The following IQGAP2 variants were observed in gnomAD, a reference collection of about 807,000 sequenced individuals.
IQGAP2 encodes IQ motif containing GTPase activating protein 2, also known as ras GTPase-activating-like protein IQGAP2.
Under a neutral mutation model 201.3 loss-of-function variants are expected in IQGAP2, and 173 were observed. The observed-to-expected ratio is 0.86, with a 90% CI of 0.76 to 0.98. The LOEUF is 0.98. Among genes scored for constraint, IQGAP2 ranks in the 50% least tolerant of loss-of-function variants. IQGAP2 has a pLI of 0.00. For missense variants in IQGAP2, 1,687 were observed against 1,864.8 expected, an observed-to-expected ratio of 0.90 and a Z score of 1.76; for synonymous variants, 675 against 673.9, an observed-to-expected ratio of 1.00 and a Z score of -0.03.
chr5:76,438,458 T>C (rs1044280518), intron 1 of IQGAP2, among the ~76,000 whole-genome samples: 6 of 152,136 alleles, frequency 3.9e-5, no homozygotes, highest in African/African-American at 1.4e-4. Flanking sequence ...TTTTTCTTTT[T>C]TTGAGATGGA....
chr5:76,510,866 T>C (rs1261265893), intron 2 of IQGAP2: 1 of 385,374 alleles, frequency 2.6e-6, no homozygotes, highest in African/African-American at 2.1e-5. Context: ...AGGGATGCAT[T>C]CTCTTTGCAC....
At chr5:76,498,842 C>T (rs1757125566) in intron 2 of IQGAP2, among the ~76,000 whole-genome samples, 1 of 152,214 alleles carries the variant, frequency 6.6e-6, no homozygotes, top group Non-Finnish European at 1.5e-5. Flanking sequence ...AATGTTGATA[C>T]ATCTCTGAGG....
intron 1 of IQGAP2, among the ~76,000 whole-genome samples, chr5:76,435,457 T>C (rs56057159): frequency 0.095 from 14,465 of 152,170 alleles, 1,769 homozygotes; most frequent in African/African-American, 0.29. Context: ...AGGGTATCCT[T>C]TTCCAGTTTA....
At chr5:76,630,107 A>G (rs1750577437) in intron 14 of IQGAP2, among the ~76,000 whole-genome samples, 1 of 152,210 alleles carries the variant, frequency 6.6e-6, no homozygotes. Context: ...GACTTAGAGC[A>G]CATCAGAAGC....
intron 2 of IQGAP2, among the ~76,000 whole-genome samples, chr5:76,490,537 G>A (rs1437192827): frequency 2.0e-5 from 3 of 152,206 alleles, no homozygotes; most frequent in Admixed American, 6.5e-5. Context: ...CTTAGGAGCA[G>A]TGCAGTGGAT....
At chr5:76,654,614 G>A (rs1021747696) in intron 19 of IQGAP2, among the ~76,000 whole-genome samples, 2 of 152,166 alleles carry the variant, frequency 1.3e-5, no homozygotes, top group Non-Finnish European at 2.9e-5. Context: ...CCCCTGGGAG[G>A]GATTTCTTCC....
At chr5:76,677,736 C>T (rs977632677) in intron 28 of IQGAP2, among the ~76,000 whole-genome samples, 8 of 152,022 alleles carry the variant, frequency 5.3e-5, no homozygotes, top group East Asian at 3.9e-4. Flanking sequence ...GAGACTAGCC[C>T]GGGCAACATA....
chr5:76,515,976 C>T (rs1185919534), intron 2 of IQGAP2, among the ~76,000 whole-genome samples: 2 of 149,876 alleles, frequency 1.3e-5, no homozygotes, highest in African/African-American at 4.9e-5. Context: ...CTCCCAGGCT[C>T]AAGCAATTGT....
At chr5:76,609,272 G>T in intron 12 of IQGAP2, 2 of 1,529,334 alleles carry the variant, frequency 1.3e-6, no homozygotes, top group Non-Finnish European at 1.8e-6. Context: ...CCAGAGAATG[G>T]CACTAAATAT....
At chr5:76,565,341 C>G (rs1744672419) in intron 3 of IQGAP2, among the ~76,000 whole-genome samples, 1 of 152,202 alleles carries the variant, frequency 6.6e-6, no homozygotes, top group African/African-American at 2.4e-5. Context: ...ATATGTCAGC[C>G]TTGGCACTGG....
chr5:76,581,423 G>A (rs1745843315), intron 5 of IQGAP2, among the ~76,000 whole-genome samples: 2 of 152,210 alleles, frequency 1.3e-5, no homozygotes. Context: ...ATCTGGAGAT[G>A]GCAGTATTTG....
At chr5:76,620,809 G>A in intron 13 of IQGAP2, among the ~76,000 whole-genome samples, 1 of 152,188 alleles carries the variant, frequency 6.6e-6, no homozygotes, top group Non-Finnish European at 1.5e-5. Context: ...GACCTAAGAA[G>A]TTGGAAATGA....
chr5:76,454,933 T>C (rs1219823023), intron 1 of IQGAP2, among the ~76,000 whole-genome samples: 1 of 152,210 alleles, frequency 6.6e-6, no homozygotes, highest in Non-Finnish European at 1.5e-5. Context: ...TTCCTATTTC[T>C]CCACATCCTC....
chr5:76,562,665 G>GA, intron 3 of IQGAP2, 113 bp downstream of exon 3: 2 of 922,824 alleles, frequency 2.2e-6, no homozygotes, highest in Admixed American at 4.5e-5. Flanking sequence ...GGGGCTGGGG[G>GA]ATGTCTTTGG....
rs1389120731 is a variant in IQGAP2 at position 76,597,687 on chromosome 5, A to G, written c.1071+85A>G. 2.1e-6 allele frequency: 3 copies of G among 1,409,240 alleles called. No individual in the cohort carries two copies. In the East Asian group the frequency reaches 6.9e-5, roughly 32 times the overall value. 87.3% of individuals were successfully genotyped at this position (1,409,240 alleles called of 1,614,324 possible). ...GGAAGCCTAGTTAGGAAAGGGGAAT[A>G]GGGATCGGGGATCTCTAATTTGTAC... On this transcript the variant is annotated intron_variant, in intron 10 of 35. Coordinates refer to ENST00000274364, the MANE Select transcript of IQGAP2 (RefSeq NM_006633.5).
At chr5:76,658,391 T>C in intron 20 of IQGAP2, 68 bp from the exon 21 acceptor site, 1 of 1,283,460 alleles carries the variant, frequency 7.8e-7, no homozygotes, top group Non-Finnish European at 1.1e-6. Flanking sequence ...TTTAAGACCT[T>C]GTTTCTTTCC....
chr5:76,583,382 A>G (rs1306194086), intron 5 of IQGAP2, among the ~76,000 whole-genome samples: 1 of 152,124 alleles, frequency 6.6e-6, no homozygotes, highest in Non-Finnish European at 1.5e-5. Context: ...TAGGTGTAAA[A>G]CGCCCATACC....
intron 1 of IQGAP2, among the ~76,000 whole-genome samples, chr5:76,437,566 C>A (rs1001012801): frequency 2.0e-5 from 3 of 152,086 alleles, no homozygotes; most frequent in African/African-American, 4.8e-5. Flanking sequence ...GTGTTGTTCC[C>A]CTTCCTGTGT....
intron 13 of IQGAP2, chr5:76,618,368 A>G (rs1440167642): frequency 1.2e-6 from 2 of 1,614,146 alleles, no homozygotes; most frequent in African/African-American, 1.3e-5. Flanking sequence ...ACAGGGTCAC[A>G]GCATTGGCCG....
Sources: allele counts gnomAD v4.1 joint callset (sites outside exome capture counted in the v4.1 genomes callset), GRCh38; gene constraint gnomAD v4.1.1; transcripts MANE v1.5; gene names NCBI Gene and HGNC (gene_info 2026-07-23, HGNC 2026-07-21).